The following CCDC30 variants were observed in gnomAD, a reference collection of about 807,000 sequenced individuals.
The protein encoded by CCDC30 is coiled-coil domain-containing protein 30.
CCDC30 carries 70 observed loss-of-function variants against 100.2 expected under a neutral mutation model. That is an observed-to-expected ratio of 0.70 (90% CI 0.58 to 0.85). The LOEUF (loss-of-function observed/expected upper bound fraction) is 0.85. Ranked by LOEUF, CCDC30 falls within the 40% of genes least tolerant of loss-of-function variation. CCDC30 has a pLI of 0.00. For synonymous variants in CCDC30, 233 were observed against 269.5 expected (o/e 0.86, Z 1.33); for missense variants, 652 against 771.2 (o/e 0.85, Z 1.83).
At chr1:42,566,589 T>C in intron 7 of CCDC30, 114 bp downstream of exon 11, 1 of 822,392 alleles carries the variant, frequency 1.2e-6, no homozygotes, top group Non-Finnish European at 1.9e-6. Flanking sequence ...ATGTGGACAA[T>C]GTGAGCTATC....
At position 42,589,606 on chromosome 1, in the gene CCDC30, GA is replaced by G. The variant is rs1646144756; in HGVS notation, c.1164+125del. ...TAGTCAGGGTTCAGTCAGGAAAGTAGAATCTACTCTAGGTATTTCAAGCAAG... is the reference window on the plus strand; with the variant it reads ...TAGTCAGGGTTCAGTCAGGAAAGTAGATCTACTCTAGGTATTTCAAGCAAG... On this transcript the variant is annotated intron_variant, in intron 10 of 16. Coordinates refer to ENST00000668663, the Ensembl canonical transcript of CCDC30. 4 of 808,744 alleles carry G rather than the reference GA, an allele frequency of 4.9e-6. No individual in the cohort carries two copies. In the African/African-American group the frequency reaches 6.9e-5, roughly 14 times the overall value. 50.1% of individuals were successfully genotyped at this position (808,744 alleles called of 1,614,324 possible).
the CCDC30 span, chr1:42,456,561 T>C: frequency 1.0e-5 from 15 of 1,470,128 alleles, no homozygotes; most frequent in South Asian, 1.4e-5. Flanking sequence ...GCCGCTGCGC[T>C]GCAGATGGCG....
At chr1:42,510,368 A>C (rs944651400) in intron 6 of CCDC30, among the ~76,000 whole-genome samples, 2 of 152,136 alleles carry the variant, frequency 1.3e-5, no homozygotes, top group Non-Finnish European at 2.9e-5. Flanking sequence ...ACTTGAGTTA[A>C]ATTTTGGAGG....
In CCDC30 at chr1:42,562,026, A is replaced by G. The variant is rs913349081; in HGVS notation, c.457-4270A>G. ...GAATCAATATCAGGAAAATGGCCAT[A>G]CTGACCAAAGTAATTTATAGATGCA... On this transcript the variant is annotated intron_variant, in intron 6 of 16. Transcript: ENST00000668663. Among the ~76,000 whole-genome samples the G allele has an allele frequency of 2.6e-5, 4 of 152,362 alleles. No individual in the cohort carries two copies. In the East Asian group the frequency reaches 7.7e-4, roughly 29 times the overall value.
intron 1 of CCDC30, among the ~76,000 whole-genome samples, chr1:42,470,565 C>T (rs1253410852): frequency 6.6e-6 from 1 of 152,166 alleles, no homozygotes; most frequent in Non-Finnish European, 1.5e-5. Context: ...ACTCCAATGT[C>T]CATCAACAGG....
chr1:42,531,133 TAGTG>T (rs35104848), intron 6 of CCDC30, among the ~76,000 whole-genome samples: 92,092 of 151,202 alleles, frequency 0.61, 28,578 homozygotes, highest in South Asian at 0.71. Flanking sequence ...GTTTTAGTAA[TAGTG>T]AGTGAGTGAG....
In CCDC30 at chr1:42,653,645, TC is replaced by T. The variant is rs112931898; in HGVS notation, c.1923-171del. Reference sequence around the variant, plus strand: ...TCCTTCAACTCTAAACCCCACAGAATCCTGACTTAAGGTAGGAAATAAAATA... The same window carrying T: ...TCCTTCAACTCTAAACCCCACAGAATCTGACTTAAGGTAGGAAATAAAATA... On this transcript the variant is annotated intron_variant, in intron 16 of 16. Transcript: ENST00000668663. 1.4e-3 allele frequency among the ~76,000 whole-genome samples: 210 copies of T among 152,304 alleles called. 1 individual carries two copies. Among genetic ancestry groups the T allele is most frequent in the African/African-American group, 4.6e-3 (192 of 41,568 alleles).
chr1:42,590,142 C>T (rs72953742), intron 10 of CCDC30: 6,099 of 152,232 alleles, frequency 0.04, 416 homozygotes, highest in African/African-American at 0.14. Flanking sequence ...CCACTATCAC[C>T]GTGTGACATG....
In CCDC30 at chr1:42,556,812, G is replaced by A. The variant is rs553869852; in HGVS notation, c.457-9484G>A. The stretch of plus-strand genomic sequence containing the variant: ...ATCTAAGCTCAGCAGGAAAATTACC[G>A]ATTGACTGTTGACATCTGCCCTAGC... On this transcript the variant is annotated intron_variant, in intron 6 of 16. Transcript: ENST00000668663. Among the ~76,000 whole-genome samples the A allele has an allele frequency of 5.3e-5, 8 of 152,262 alleles. No homozygotes were observed. In the South Asian group the frequency reaches 6.2e-4, roughly 12 times the overall value.
intron 6 of CCDC30, among the ~76,000 whole-genome samples, chr1:42,501,760 C>T (rs983655926): frequency 6.6e-6 from 1 of 152,168 alleles, no homozygotes; most frequent in African/African-American, 2.4e-5. Context: ...GCAGAGGCTG[C>T]AGAACAGCAA....
chr1:42,647,824 CA>C (rs1648010122), intron 15 of CCDC30, among the ~76,000 whole-genome samples: 3 of 152,118 alleles, frequency 2.0e-5, no homozygotes, highest in Non-Finnish European at 4.4e-5. Context: ...CCCAAATGAC[CA>C]ATGGGTTAAT....
At chr1:42,647,525 T>C (rs756332788) in intron 15 of CCDC30, among the ~76,000 whole-genome samples, 2 of 152,162 alleles carry the variant, frequency 1.3e-5, no homozygotes, top group Non-Finnish European at 2.9e-5. Flanking sequence ...AATGGACAGA[T>C]CATCCTAACA....
At chr1:42,545,560 GA>G in intron 6 of CCDC30, 1 of 1,605,566 alleles carries the variant, frequency 6.2e-7, no homozygotes, top group Non-Finnish European at 8.5e-7. Context: ...AAGCCGAAAG[GA>G]AGAGACAGAG....
At chr1:42,523,810 T>G (rs1201116649) in intron 6 of CCDC30, among the ~76,000 whole-genome samples, 1 of 152,214 alleles carries the variant, frequency 6.6e-6, no homozygotes, top group East Asian at 1.9e-4. Flanking sequence ...ACTCAGTAAT[T>G]TCAATTGTCA....
rs1466565329 is a variant in CCDC30, at chr1:42,476,669, A to G, written c.-91-3792A>G. On this transcript the variant is annotated intron_variant, in intron 1 of 16. Coordinates refer to ENST00000668663, the Ensembl canonical transcript of CCDC30. ...TGTGCCGTTGCACTCCAGCCTGGGC[A>G]AAAGGAGTGAAACTCCTTCTCAAAA... Among the ~76,000 whole-genome samples the G allele has an allele frequency of 3.5e-3, 536 of 151,120 alleles. 3 individuals are homozygous for G. Among genetic ancestry groups the G allele is most frequent in the African/African-American group, 0.012 (514 of 41,194 alleles).
intron 6 of CCDC30, among the ~76,000 whole-genome samples, chr1:42,563,618 C>T (rs757083417): frequency 3.3e-5 from 5 of 152,168 alleles, no homozygotes; most frequent in Non-Finnish European, 7.3e-5. Flanking sequence ...CGCTGGCTCA[C>T]GCCTGTAATC....
intron 6 of CCDC30, among the ~76,000 whole-genome samples, chr1:42,510,411 C>A (rs563304543): frequency 2.0e-5 from 3 of 152,234 alleles, no homozygotes; most frequent in East Asian, 3.9e-4. Context: ...GTAATCCCAG[C>A]ACTTTGGGGG....
intron 15 of CCDC30, among the ~76,000 whole-genome samples, chr1:42,650,497 A>ATATATGTGTGTGTGTGTGTGTGTG (rs1181889086): frequency 7.3e-6 from 1 of 136,194 alleles, no homozygotes; most frequent in Admixed American, 7.5e-5. Context: ...AAAAATATAT[A>ATATATGTGTGTGTGTGTGTGTGTG]TGTGTGTGTG....
chr1:42,642,048 AC>A (rs1337110576), intron 12 of CCDC30, among the ~76,000 whole-genome samples: 11 of 151,948 alleles, frequency 7.2e-5, no homozygotes, highest in Non-Finnish European at 1.3e-4. Context: ...ACACGGTGAA[AC>A]CCCATCTCTA....
Sources: allele counts gnomAD v4.1 joint callset (sites outside exome capture counted in the v4.1 genomes callset), GRCh38; gene constraint gnomAD v4.1.1; transcripts MANE v1.5; gene names NCBI Gene and HGNC (gene_info 2026-07-23, HGNC 2026-07-21).